The following TPD52 variants were observed in gnomAD, a reference collection of about 807,000 sequenced individuals.
TPD52 encodes the protein prostate and colon associated protein.
Under a neutral mutation model 31.3 loss-of-function variants are expected in TPD52, and 17 were observed. The observed-to-expected ratio is 0.54, with a 90% CI of 0.37 to 0.82. TPD52 has a LOEUF of 0.82. TPD52 is among the 40% of genes least tolerant of loss of function. The pLI is 0.00. For synonymous variants in TPD52, 83 were observed against 89.6 expected (o/e 0.93, Z 0.42); for missense variants, 212 against 240.1 (o/e 0.88, Z 0.77).
chr8:80,063,680 C>G (rs902208317), intron 2 of TPD52, among the ~76,000 whole-genome samples: 1 of 151,758 alleles, frequency 6.6e-6, no homozygotes, highest in African/African-American at 2.4e-5. Flanking sequence ...GCCTGTAATC[C>G]CAGCTACTCA....
chr8:80,147,707 G>A (rs1586394154), intron 1 of TPD52, among the ~76,000 whole-genome samples: 1 of 152,122 alleles, frequency 6.6e-6, no homozygotes, highest in African/African-American at 2.4e-5. Flanking sequence ...CGACAAAAAA[G>A]GGAGCTCTGA....
chr8:80,108,984 AG>A (rs1232567977), intron 1 of TPD52, among the ~76,000 whole-genome samples: 1 of 152,228 alleles, frequency 6.6e-6, no homozygotes, highest in African/African-American at 2.4e-5. Context: ...AAGTTCAAAA[AG>A]AATCTGTTCT....
intron 5 of TPD52, among the ~76,000 whole-genome samples, chr8:80,046,690 A>G (rs1335894724): frequency 2.0e-5 from 3 of 152,106 alleles, no homozygotes; most frequent in South Asian, 2.1e-4. Context: ...CCCCAAATAC[A>G]TTAATCTGTA....
chr8:80,080,581 C>A, intron 1 of TPD52: 2 of 1,416,204 alleles, frequency 1.4e-6, no homozygotes, highest in South Asian at 1.8e-5. Flanking sequence ...GAGTTAGAGG[C>A]CCTGGCTTCT....
intron 4 of TPD52, 83 bp downstream of exon 4, chr8:80,051,444 C>A (rs1811380637): frequency 1.5e-6 from 2 of 1,340,882 alleles, no homozygotes; most frequent in Admixed American, 3.5e-5. Flanking sequence ...TCAACTAGAG[C>A]CAAGGTCAGG....
chr8:80,090,966 G>T (rs12056834), intron 1 of TPD52, among the ~76,000 whole-genome samples: 3,843 of 152,282 alleles, frequency 0.025, 112 homozygotes, highest in East Asian at 0.064. Context: ...CAGCAGCCAG[G>T]ACAGAAGGTT....
chr8:80,086,117 G>GTTT (rs1366202183), intron 1 of TPD52, among the ~76,000 whole-genome samples: 48 of 88,822 alleles, frequency 5.4e-4, no homozygotes, highest in African/African-American at 9.9e-4. Flanking sequence ...TTTTTTTTTA[G>GTTT]TTTTTTTTTT....
chr8:80,082,117 T>C (rs530060395), intron 1 of TPD52, among the ~76,000 whole-genome samples: 1 of 140,842 alleles, frequency 7.1e-6, no homozygotes, highest in Non-Finnish European at 1.5e-5. Flanking sequence ...CTATGGTAAG[T>C]CTTTTTTTTT....
chr8:80,100,956 G>A (rs946533061), intron 1 of TPD52, among the ~76,000 whole-genome samples: 3 of 152,130 alleles, frequency 2.0e-5, no homozygotes, highest in African/African-American at 7.2e-5. Context: ...AAATGTCTGG[G>A]CACCCCATGG....
chr8:80,042,998 G>T, intron 6 of TPD52: 1 of 196,524 alleles, frequency 5.1e-6, no homozygotes, highest in Non-Finnish European at 1.0e-5. Context: ...AACTTGTCAT[G>T]GTACAAGAAA....
At chr8:80,116,037 T>C (rs1165340168) in intron 1 of TPD52, among the ~76,000 whole-genome samples, 2 of 152,226 alleles carry the variant, frequency 1.3e-5, no homozygotes, top group Non-Finnish European at 2.9e-5. Flanking sequence ...GCAAACTCTA[T>C]AAAGGATAAT....
chr8:80,085,806 T>C (rs145479840), intron 1 of TPD52, among the ~76,000 whole-genome samples: 187 of 152,276 alleles, frequency 1.2e-3, no homozygotes, highest in Admixed American at 2.0e-3. Context: ...ATTTAAATGA[T>C]GTTTAAAGTG....
intron 1 of TPD52, among the ~76,000 whole-genome samples, chr8:80,145,357 T>C (rs753047897): frequency 1.3e-5 from 2 of 152,206 alleles, no homozygotes; most frequent in African/African-American, 4.8e-5. Flanking sequence ...CAGGTGATCT[T>C]TGAGCGGGCA....
chr8:80,138,874 ATAAAATATTAG>A (rs2131129934), intron 1 of TPD52, among the ~76,000 whole-genome samples: 1 of 152,352 alleles, frequency 6.6e-6, no homozygotes, highest in South Asian at 2.1e-4. Context: ...AATTTGGACC[ATAAAATATTAG>A]TATTCTCAAC....
At chr8:80,092,165 C>T (rs1369874985) in intron 1 of TPD52, among the ~76,000 whole-genome samples, 2 of 152,134 alleles carry the variant, frequency 1.3e-5, no homozygotes, top group African/African-American at 4.8e-5. Context: ...TGTGTGTTGG[C>T]ATTATTCCAA....
At chr8:80,152,759 C>T (rs1810665464) in intron 1 of TPD52, among the ~76,000 whole-genome samples, 1 of 118,340 alleles carries the variant, frequency 8.5e-6, no homozygotes, top group Non-Finnish European at 1.6e-5. Context: ...CCAGCCTGGG[C>T]GAAAGTGTGA....
intron 1 of TPD52, among the ~76,000 whole-genome samples, chr8:80,081,156 C>CTTTTTT (rs5892705): frequency 1.8e-5 from 2 of 109,390 alleles, no homozygotes; most frequent in African/African-American, 3.7e-5. Flanking sequence ...TTTTCTCTCT[C>CTTTTTT]TTTTTTTTTT....
intron 1 of TPD52, among the ~76,000 whole-genome samples, chr8:80,079,299 C>G (rs1386443778): frequency 6.6e-6 from 1 of 152,114 alleles, no homozygotes; most frequent in Non-Finnish European, 1.5e-5. Context: ...CCTCCTGCCC[C>G]CAACTTCTAC....
chr8:80,070,118 A>G (rs1245615240), intron 1 of TPD52, among the ~76,000 whole-genome samples: 1 of 152,160 alleles, frequency 6.6e-6, no homozygotes, highest in Non-Finnish European at 1.5e-5. Context: ...AAAGCAGCAA[A>G]AGCGTTTTTA....
Sources: allele counts gnomAD v4.1 joint callset (sites outside exome capture counted in the v4.1 genomes callset), GRCh38; gene constraint gnomAD v4.1.1; transcripts MANE v1.5; gene names NCBI Gene and HGNC (gene_info 2026-07-23, HGNC 2026-07-21).